The following IQCJ variants were observed in gnomAD, a reference collection of about 807,000 sequenced individuals.
The protein encoded by IQCJ is IQ domain-containing protein J.
IQCJ carries 9 observed loss-of-function variants against 11.0 expected under a neutral mutation model. That is an observed-to-expected ratio of 0.82 (90% CI 0.49 to 1.43). The LOEUF is 1.43. Ranked by LOEUF, IQCJ falls within the 40% of genes most tolerant of loss-of-function variation. IQCJ has a pLI of 0.00. For synonymous variants in IQCJ, 55 were observed against 51.3 expected (o/e 1.07, Z -0.31); for missense variants, 146 against 133.2 (o/e 1.10, Z -0.47).
intron 1 of IQCJ, among the ~76,000 whole-genome samples, chr3:159,138,034 T>G (rs1174281853): frequency 6.6e-6 from 1 of 152,174 alleles, no homozygotes; most frequent in Non-Finnish European, 1.5e-5. Context: ...TTATGTAATA[T>G]ATTAACCACA....
At position 159,115,493 on chromosome 3, in the gene IQCJ, C is replaced by T. The variant is rs115629093; in HGVS notation, c.9+46052C>T. Among the ~76,000 whole-genome samples, 712 of 152,242 alleles carry T rather than the reference C, an allele frequency of 4.7e-3. 5 individuals are homozygous for T. Among genetic ancestry groups the T allele is most frequent in the African/African-American group, 0.017 (690 of 41,534 alleles). ...GAAAGAGTGTAAGTTGTAGTGAACA[C>T]GTAACACTTTCTCTGCCACAGATAG... is the stretch of plus-strand genomic sequence containing the variant. On this transcript the variant is annotated intron_variant, in intron 1 of 3. Transcript: ENST00000397832.
intron 1 of IQCJ, among the ~76,000 whole-genome samples, chr3:159,089,241 A>G (rs1464431183): frequency 6.6e-6 from 1 of 152,110 alleles, no homozygotes; most frequent in African/African-American, 2.4e-5. Flanking sequence ...AATGTTGAAT[A>G]TTGGCCCCCA....
intron 1 of IQCJ, among the ~76,000 whole-genome samples, chr3:159,207,715 G>C (rs897274492): frequency 2.0e-5 from 3 of 152,170 alleles, no homozygotes; most frequent in Non-Finnish European, 4.4e-5. Context: ...GCAAAACAAG[G>C]CTAGAAAGTT....
chr3:159,107,023 C>T (rs895694419), intron 1 of IQCJ, among the ~76,000 whole-genome samples: 1 of 152,138 alleles, frequency 6.6e-6, no homozygotes, highest in South Asian at 2.1e-4. Context: ...TGTTGTTCTG[C>T]AAATTATGAC....
intron 1 of IQCJ, among the ~76,000 whole-genome samples, chr3:159,101,359 G>T (rs1330367918): frequency 6.6e-6 from 1 of 152,050 alleles, no homozygotes; most frequent in Admixed American, 6.5e-5. Context: ...CTGTAGACCG[G>T]AGCTGTTCCT....
intron 1 of IQCJ, among the ~76,000 whole-genome samples, chr3:159,118,565 A>T (rs1309128030): frequency 6.6e-6 from 1 of 152,196 alleles, no homozygotes; most frequent in East Asian, 1.9e-4. Flanking sequence ...CAGGGATGTG[A>T]AGTGACTAGC....
chr3:159,118,653 T>A (rs1719170130), intron 1 of IQCJ, among the ~76,000 whole-genome samples: 1 of 152,214 alleles, frequency 6.6e-6, no homozygotes, highest in South Asian at 2.1e-4. Flanking sequence ...TTTTTAATAA[T>A]GAGCTATACT....
intron 1 of IQCJ, among the ~76,000 whole-genome samples, chr3:159,076,044 C>T (rs1330849386): frequency 6.6e-6 from 1 of 152,042 alleles, no homozygotes; most frequent in East Asian, 1.9e-4. Context: ...TTCCTGTATA[C>T]TGTAAGGAAA....
At chr3:159,148,708 G>A (rs1721044143) in intron 1 of IQCJ, among the ~76,000 whole-genome samples, 1 of 152,122 alleles carries the variant, frequency 6.6e-6, no homozygotes, top group African/African-American at 2.4e-5. Flanking sequence ...CATTCCTTTT[G>A]AAATTGCAAA....
intron 1 of IQCJ, among the ~76,000 whole-genome samples, chr3:159,148,050 C>A (rs1163778167): frequency 6.6e-6 from 1 of 152,194 alleles, no homozygotes; most frequent in Admixed American, 6.5e-5. Flanking sequence ...GGGGTGGAAC[C>A]CAATAAGCTA....
intron 1 of IQCJ, among the ~76,000 whole-genome samples, chr3:159,167,421 T>C (rs751310411): frequency 1.4e-4 from 21 of 152,324 alleles, no homozygotes; most frequent in African/African-American, 3.1e-4. Context: ...AGCTCATAAT[T>C]TCTGTTTTGC....
intron 1 of IQCJ, among the ~76,000 whole-genome samples, chr3:159,079,851 A>G (rs1250853060): frequency 2.0e-5 from 3 of 152,104 alleles, no homozygotes; most frequent in Non-Finnish European, 4.4e-5. Flanking sequence ...ATTATTGCAC[A>G]AATCTTTATT....
intron 1 of IQCJ, among the ~76,000 whole-genome samples, chr3:159,134,836 A>G (rs1720196936): frequency 6.6e-6 from 1 of 152,210 alleles, no homozygotes; most frequent in Admixed American, 6.5e-5. Context: ...CAGGGTGAAT[A>G]ATTACCTTAT....
chr3:159,086,829 G>C (rs1490132995), intron 1 of IQCJ, among the ~76,000 whole-genome samples: 2 of 152,070 alleles, frequency 1.3e-5, no homozygotes, highest in African/African-American at 4.8e-5. Flanking sequence ...TGAGACAATG[G>C]GGTTTTCTAG....
chr3:159,210,831 C>T (rs935212085), intron 1 of IQCJ, among the ~76,000 whole-genome samples: 7 of 151,996 alleles, frequency 4.6e-5, no homozygotes, highest in Non-Finnish European at 1.0e-4. Flanking sequence ...CACCACACCC[C>T]GCTAATTTTT....
chr3:159,118,991 T>C (rs1349546292), intron 1 of IQCJ, among the ~76,000 whole-genome samples: 1 of 152,002 alleles, frequency 6.6e-6, no homozygotes, highest in Admixed American at 6.5e-5. Flanking sequence ...TGCAGAAAGT[T>C]TCCAGGATAT....
At chr3:159,114,736 G>A (rs1198683488) in intron 1 of IQCJ, among the ~76,000 whole-genome samples, 2 of 152,180 alleles carry the variant, frequency 1.3e-5, no homozygotes, top group Non-Finnish European at 2.9e-5. Flanking sequence ...CTGCGCATCT[G>A]CCACAAGAAG....
chr3:159,262,404 T>A (rs1449008), intron 3 of IQCJ, 144 bp from the exon 4 acceptor site: 921,944 of 1,280,148 alleles, frequency 0.72, 336,674 homozygotes, highest in Non-Finnish European at 0.76. Flanking sequence ...GGTCTCCTGA[T>A]TCACTACATC....
rs115885740 is a variant in IQCJ, at chr3:159,253,637, T to A, written c.155+830T>A. Reference sequence around the variant, plus strand: ...CACACACACACACACACACACACACTCACACACTCAGTATAACACTCCGAG... The same window carrying A: ...CACACACACACACACACACACACACACACACACTCAGTATAACACTCCGAG... On this transcript the variant is annotated intron_variant, in intron 3 of 3. Coordinates refer to ENST00000397832, the MANE Select transcript of IQCJ (RefSeq NM_001042706.3). Among the ~76,000 whole-genome samples, 13 of 137,766 alleles carry A rather than the reference T, an allele frequency of 9.4e-5. No individual in the cohort carries two copies. The East Asian group carries it at 2.1e-3, about 22-fold the overall frequency. The allele number at this position is 137,766 out of a possible 152,430, so 90.4% of individuals were successfully genotyped here. A position where few individuals can be genotyped will look rare whatever the true frequency, so the allele number is the denominator to read the frequency against.
Sources: gnomAD v4.1 joint callset for allele counts (sites outside exome capture counted in the v4.1 genomes callset) on GRCh38, gnomAD v4.1.1 for gene constraint, MANE v1.5 for transcripts, NCBI Gene and HGNC (gene_info 2026-07-23, HGNC 2026-07-21) for gene names.